Variants in MFAP3L observed in about 807,000 individuals in gnomAD.
The protein encoded by MFAP3L is microfibril associated protein 3 like.
Under a neutral mutation model 20.0 loss-of-function variants are expected in MFAP3L, and 5 were observed. The observed-to-expected ratio is 0.25, with a 90% CI of 0.13 to 0.53. The LOEUF (loss-of-function observed/expected upper bound fraction) is 0.53. MFAP3L is among the 20% of genes least tolerant of loss of function. The pLI, the probability that MFAP3L is intolerant of heterozygous loss-of-function variation, is 0.96. For synonymous variants in MFAP3L, 219 were observed against 213.0 expected (o/e 1.03, Z -0.25); for missense variants, 409 against 527.5 (o/e 0.78, Z 2.20).
At chr4:169,995,286 T>C (rs952553900) in intron 2 of MFAP3L, among the ~76,000 whole-genome samples, 1 of 152,148 alleles carries the variant, frequency 6.6e-6, no homozygotes, top group Non-Finnish European at 1.5e-5. Flanking sequence ...AGAACTAAGG[T>C]CCCGTAGCCT....
At chr4:170,006,674 CT>C (rs1322718140) in intron 1 of MFAP3L, 1 of 152,180 alleles carries the variant, frequency 6.6e-6, no homozygotes, top group Non-Finnish European at 1.5e-5. Context: ...CTGGGTGTTC[CT>C]TAACCTCTTC....
At chr4:170,002,354 T>C (rs1407789653) in intron 2 of MFAP3L, 6 of 579,510 alleles carry the variant, frequency 1.0e-5, no homozygotes, top group Non-Finnish European at 1.1e-5. Flanking sequence ...CACTTCACTG[T>C]AGGGCTTATT....
intron 1 of MFAP3L, among the ~76,000 whole-genome samples, chr4:170,019,607 C>T (rs1298905474): frequency 1.3e-5 from 2 of 152,178 alleles, no homozygotes; most frequent in African/African-American, 2.4e-5. Flanking sequence ...TTAAGAGGTA[C>T]TGCTTTCGTA....
chr4:170,005,550 T>C, intron 2 of MFAP3L, 30 bp downstream of exon 2: 1 of 1,599,680 alleles, frequency 6.3e-7, no homozygotes. Flanking sequence ...TATATTTTAT[T>C]ATGACATTTG....
intron 2 of MFAP3L, among the ~76,000 whole-genome samples, chr4:169,998,739 T>A (rs941017869): frequency 1.3e-5 from 2 of 152,248 alleles, no homozygotes; most frequent in African/African-American, 4.8e-5. Context: ...TTAACGATCC[T>A]GTTTAGACAC....
At chr4:170,022,045 C>G (rs149036078) in intron 1 of MFAP3L, among the ~76,000 whole-genome samples, 1 of 152,160 alleles carries the variant, frequency 6.6e-6, no homozygotes, top group African/African-American at 2.4e-5. Flanking sequence ...TCCTTGCTCA[C>G]GTGTGCATGG....
chr4:170,027,064 C>T (rs1453659811), upstream of MFAP3L: 1 of 151,868 alleles, frequency 6.6e-6, no homozygotes, highest in Non-Finnish European at 1.5e-5. Context: ...TTTTCATTTT[C>T]TTTAAAAATA....
At position 169,992,196 on chromosome 4, in the gene MFAP3L, C is replaced by T; in HGVS notation, c.412G>A (p.Val138Met). The T allele has an allele frequency of 6.2e-7, 1 of 1,614,144 alleles. No homozygotes were observed. The highest frequency in any genetic ancestry group is 8.5e-7 in the Non-Finnish European group (1 of 1,180,026). The change falls in exon 3 of 3, where the codon GTG becomes ATG. Residue 138 changes from valine to methionine, a missense_variant. Around this residue, in one of 3 missense-constraint regions of MFAP3L, gnomAD observed 127 missense variants for 218.1 expected, o/e 0.58. Coordinates refer to ENST00000361618, the MANE Select transcript of MFAP3L (RefSeq NM_021647.8). The surrounding 1 kb of genome is among the most constrained non-coding windows in gnomAD (Gnocchi z 4.3). ...SNIYGTVNNTVTLRVIFTSGD... is the reference protein window; with the variant it reads ...SNIYGTVNNTMTLRVIFTSGD... ...GAAGTGAAGATGACGCGCAAGGTCA[C>T]CGTGTTGTTCACGGTGCCGTAGATG... is the stretch of plus-strand genomic sequence containing the variant.
rs1278875954 is a variant in MFAP3L at position 170,003,723 on chromosome 4, C to T, written c.298+1857G>A. ...AGATCCAGGTCTTGGGTCTTTCTTC[C>T]CTTTGATTCAGTCACCGTGGGTTCC... On this transcript the variant is annotated intron_variant, in intron 2 of 2. Coordinates refer to ENST00000361618, the MANE Select transcript of MFAP3L (RefSeq NM_021647.8). The T allele has an allele frequency of 7.1e-6, 7 of 985,266 alleles. No homozygotes were observed. The African/African-American group carries it at 1.2e-4, about 17-fold the overall frequency. 61.0% of individuals were successfully genotyped at this position (985,266 alleles called of 1,614,324 possible). A position where few individuals can be genotyped will look rare whatever the true frequency, so the allele number is the denominator to read the frequency against.
At position 169,991,249 on chromosome 4, in the gene MFAP3L, A is replaced by T; in HGVS notation, c.*129T>A. Reference sequence around the variant, plus strand: ...ACTGCAGGCAGGTGTTTCTCCTTTTAAAGTGGCATCACTCCTACCTAAGGG... The same window carrying T: ...ACTGCAGGCAGGTGTTTCTCCTTTTTAAGTGGCATCACTCCTACCTAAGGG... On this transcript the variant is annotated 3_prime_UTR_variant, in exon 3 of 3. Transcript: ENST00000361618. The surrounding 1 kb of genome is among the most constrained non-coding windows in gnomAD (Gnocchi z 4.9). 1 of 971,344 alleles carries T rather than the reference A, an allele frequency of 1.0e-6. No homozygotes were observed. Among genetic ancestry groups the T allele is most frequent in the Non-Finnish European group, 1.5e-6 (1 of 657,402 alleles). 60.2% of individuals were successfully genotyped at this position (971,344 alleles called of 1,614,324 possible).
intron 1 of MFAP3L, among the ~76,000 whole-genome samples, chr4:170,024,543 A>G (rs80288134): frequency 0.062 from 9,484 of 152,336 alleles, 413 homozygotes; most frequent in Non-Finnish European, 0.094. Context: ...GAGAAGCACA[A>G]TTATTCAATA....
intron 1 of MFAP3L, among the ~76,000 whole-genome samples, chr4:170,015,029 A>G (rs1739611038): frequency 6.6e-6 from 1 of 152,220 alleles, no homozygotes; most frequent in South Asian, 2.1e-4. Flanking sequence ...GGTCTCCTGC[A>G]GCCGTGGAGC....
At chr4:170,014,932 A>C (rs1404851042) in intron 1 of MFAP3L, among the ~76,000 whole-genome samples, 2 of 152,206 alleles carry the variant, frequency 1.3e-5, no homozygotes, top group East Asian at 3.9e-4. Flanking sequence ...GGATAGTATT[A>C]ATAGTACCCA....
Position 170,026,168 on chromosome 4 carries a change from G to A in MFAP3L, c.-134+66C>T, listed in dbSNP as rs569963725. 109 of 934,486 alleles carry A rather than the reference G, an allele frequency of 1.2e-4. 1 individual carries two copies. The African/African-American group carries it at 1.8e-3, about 16-fold the overall frequency. The allele number at this position is 934,486 out of a possible 1,614,324, so 57.9% of individuals were successfully genotyped here. A position where few individuals can be genotyped will look rare whatever the true frequency, so the allele number is the denominator to read the frequency against. ...CGGCCCCGGCGCCGACTCGGCCGCC[G>A]ACCCGGTGCGGGGCTGGCTCCCACC... On this transcript the variant is annotated intron_variant, in intron 1 of 2. Coordinates refer to ENST00000361618, the MANE Select transcript of MFAP3L (RefSeq NM_021647.8).
chr4:170,027,265 C>T (rs759834829), upstream of MFAP3L: 1 of 144,062 alleles, frequency 6.9e-6, no homozygotes. Flanking sequence ...CAGAGACTCT[C>T]AATTTCTGGG....
At chr4:170,024,809 G>A (rs1740250496) in intron 1 of MFAP3L, among the ~76,000 whole-genome samples, 1 of 152,198 alleles carries the variant, frequency 6.6e-6, no homozygotes, top group African/African-American at 2.4e-5. Context: ...AGAGTATCCA[G>A]AATTAGAGCT....
At chr4:170,003,311 T>C (rs1414813807) in intron 2 of MFAP3L, among the ~76,000 whole-genome samples, 1 of 152,212 alleles carries the variant, frequency 6.6e-6, no homozygotes, top group Non-Finnish European at 1.5e-5. Context: ...GGCTTTTGAC[T>C]GGCGGCCACT....
Position 170,000,493 on chromosome 4 carries a change from C to T in MFAP3L, c.298+5087G>A, listed in dbSNP as rs1738535745. ...AGCAGTGCCACTTACTGAGAGCTTG[C>T]TATATTCCAGGTACCTCTGCTAAGC... On this transcript the variant is annotated intron_variant, in intron 2 of 2. Transcript: ENST00000361618. 2.0e-5 allele frequency among the ~76,000 whole-genome samples: 3 copies of T among 152,038 alleles called. 1 individual carries two copies. The highest frequency in any genetic ancestry group is 2.9e-5 in the Non-Finnish European group (2 of 68,000).
At chr4:169,996,246 G>C (rs1173809586) in intron 2 of MFAP3L, among the ~76,000 whole-genome samples, 1 of 137,294 alleles carries the variant, frequency 7.3e-6, no homozygotes, top group Non-Finnish European at 1.5e-5. Context: ...TTGTTTCTGA[G>C]CTGTACTGCA....
Sources: allele counts gnomAD v4.1 joint callset (sites outside exome capture counted in the v4.1 genomes callset), GRCh38; gene constraint gnomAD v4.1.1; regional missense constraint gnomAD v4.1.1; non-coding constraint Gnocchi (gnomAD v3.1); transcripts MANE v1.5; gene names NCBI Gene and HGNC (gene_info 2026-07-23, HGNC 2026-07-21).